PTPRJ: variants seen among roughly 807,000 people sequenced by gnomAD.
PTPRJ encodes the protein receptor-type tyrosine-protein phosphatase eta.
PTPRJ carries 129 observed loss-of-function variants against 141.3 expected under a neutral mutation model. The ratio of observed to expected loss-of-function variants is 0.91; its 90% CI spans 0.79 to 1.06. The LOEUF (loss-of-function observed/expected upper bound fraction) is 1.06, where lower values mean the gene tolerates loss of function less well. PTPRJ is among the 50% of genes least tolerant of loss of function. PTPRJ has a pLI of 0.00. For synonymous variants in PTPRJ, 610 were observed against 640.5 expected, an observed-to-expected ratio of 0.95 and a Z score of 0.72; for missense variants, 1,601 against 1,679.7, an observed-to-expected ratio of 0.95 and a Z score of 0.82.
At chr11:48,021,122 TCA>T (rs1416564082) in intron 1 of PTPRJ, among the ~76,000 whole-genome samples, 1 of 152,116 alleles carries the variant, frequency 6.6e-6, no homozygotes, top group East Asian at 1.9e-4. Flanking sequence ...GCCTGTAATC[TCA>T]GCACTTTGGG....
chr11:48,011,095 C>T (rs974288516), intron 1 of PTPRJ, among the ~76,000 whole-genome samples: 22 of 152,122 alleles, frequency 1.4e-4, no homozygotes, highest in Non-Finnish European at 2.2e-4. Context: ...ACCAGGGCCC[C>T]TGGGCAAAGG....
chr11:48,077,980 G>C (rs1355956356), intron 1 of PTPRJ, among the ~76,000 whole-genome samples: 1 of 152,112 alleles, frequency 6.6e-6, no homozygotes, highest in Non-Finnish European at 1.5e-5. Context: ...GACTAAGTTG[G>C]AGCTGGGTGA....
intron 1 of PTPRJ, among the ~76,000 whole-genome samples, chr11:48,008,722 G>A (rs1854690565): frequency 6.6e-6 from 1 of 151,926 alleles, no homozygotes; most frequent in Non-Finnish European, 1.5e-5. Flanking sequence ...GCGCCACCAC[G>A]CCCGGCTAAT....
chr11:48,123,276 CTA>C (rs1186892604), intron 4 of PTPRJ, among the ~76,000 whole-genome samples: 1 of 152,190 alleles, frequency 6.6e-6, no homozygotes, highest in African/African-American at 2.4e-5. Context: ...CAATTAAATG[CTA>C]CCATTTAAAA....
At chr11:48,095,336 G>A (rs922018662) in intron 1 of PTPRJ, among the ~76,000 whole-genome samples, 1 of 152,160 alleles carries the variant, frequency 6.6e-6, no homozygotes, top group African/African-American at 2.4e-5. Context: ...CTTTGTTAAT[G>A]CAAACTTTGG....
chr11:48,149,335 G>GAT, intron 15 of PTPRJ, 112 bp from the exon 16 acceptor site: 1 of 746,646 alleles, frequency 1.3e-6, no homozygotes, highest in Non-Finnish European at 2.3e-6. Context: ...TAATGCCTGA[G>GAT]GAAAAGGTGT....
chr11:48,045,116 G>A (rs1370054571), intron 1 of PTPRJ, among the ~76,000 whole-genome samples: 1 of 152,158 alleles, frequency 6.6e-6, no homozygotes, highest in African/African-American at 2.4e-5. Flanking sequence ...GGGAGAATTA[G>A]GTAACTTTAG....
chr11:48,090,001 G>T (rs190683609), intron 1 of PTPRJ, among the ~76,000 whole-genome samples: 2 of 152,220 alleles, frequency 1.3e-5, no homozygotes. Context: ...CACTGCTGCC[G>T]GATGGTCATC....
intron 1 of PTPRJ, among the ~76,000 whole-genome samples, chr11:48,053,406 A>G (rs1314914435): frequency 5.0e-5 from 5 of 101,004 alleles, no homozygotes; most frequent in Admixed American, 3.0e-4. Flanking sequence ...ATGATATATA[A>G]TATATATAAA....
At chr11:48,043,802 C>G (rs1854326367) in intron 1 of PTPRJ, among the ~76,000 whole-genome samples, 1 of 152,114 alleles carries the variant, frequency 6.6e-6, no homozygotes, top group South Asian at 2.1e-4. Flanking sequence ...CGAGTGCATG[C>G]CCTATGCCTG....
At chr11:48,151,698 T>G (rs1218677807) in intron 18 of PTPRJ, among the ~76,000 whole-genome samples, 1 of 150,218 alleles carries the variant, frequency 6.7e-6, no homozygotes, top group African/African-American at 2.4e-5. Context: ...ACATGCGGTG[T>G]TTGGTTTTCT....
chr11:48,071,758 C>T (rs1855262677), intron 1 of PTPRJ, among the ~76,000 whole-genome samples: 1 of 148,970 alleles, frequency 6.7e-6, no homozygotes. Flanking sequence ...ACAGATGCAT[C>T]ACGCCCAGCT....
intron 1 of PTPRJ, among the ~76,000 whole-genome samples, chr11:47,999,593 C>T (rs1854435234): frequency 1.3e-5 from 2 of 152,154 alleles, no homozygotes; most frequent in African/African-American, 4.8e-5. Flanking sequence ...CTCCCCAGAC[C>T]AGTGGATTCT....
chr11:48,137,346 C>T (rs1857129480), intron 10 of PTPRJ, 65 bp downstream of exon 10: 5 of 1,518,884 alleles, frequency 3.3e-6, no homozygotes, highest in African/African-American at 1.4e-5. Flanking sequence ...CAGGTCAGTC[C>T]TCCCAAGTCT....
chr11:47,988,309 A>G (rs1854103514), intron 1 of PTPRJ, among the ~76,000 whole-genome samples: 2 of 152,148 alleles, frequency 1.3e-5, no homozygotes, highest in South Asian at 4.1e-4. Context: ...TATTGTATCC[A>G]ATTTCAGAAG....
chr11:48,096,242 C>T (rs984847952), intron 1 of PTPRJ, among the ~76,000 whole-genome samples: 12 of 152,268 alleles, frequency 7.9e-5, no homozygotes, highest in South Asian at 6.2e-4. Context: ...TGATGCTGGT[C>T]AGCAGGCAGG....
intron 15 of PTPRJ, among the ~76,000 whole-genome samples, chr11:48,148,161 T>C (rs1857396470): frequency 6.6e-6 from 1 of 152,128 alleles, no homozygotes; most frequent in South Asian, 2.1e-4. Flanking sequence ...GGTTCTGATT[T>C]TGGGGGGGGA....
chr11:48,081,779 C>T (rs1185344288), intron 1 of PTPRJ, among the ~76,000 whole-genome samples: 1 of 152,054 alleles, frequency 6.6e-6, no homozygotes, highest in Non-Finnish European at 1.5e-5. Flanking sequence ...GGGGAAGGGG[C>T]AGCATCATAA....
intron 1 of PTPRJ, among the ~76,000 whole-genome samples, chr11:48,082,595 T>C (rs927917578): frequency 7.3e-6 from 1 of 137,922 alleles, no homozygotes; most frequent in African/African-American, 2.6e-5. Flanking sequence ...AGGGTCTCAT[T>C]ATGTTGTCCA....
Sources: gnomAD v4.1 joint callset for allele counts (sites outside exome capture counted in the v4.1 genomes callset) on GRCh38, gnomAD v4.1.1 for gene constraint, MANE v1.5 for transcripts, NCBI Gene and HGNC (gene_info 2026-07-23, HGNC 2026-07-21) for gene names.